KDM2B: variants seen among roughly 807,000 people sequenced by gnomAD.
KDM2B encodes the protein lysine demethylase 2B.
In KDM2B, 26 loss-of-function variants were observed where a neutral mutation model predicts 150.0. The ratio of observed to expected loss-of-function variants is 0.17; its 90% CI spans 0.13 to 0.24. KDM2B has a LOEUF of 0.24. Ranked by LOEUF, KDM2B falls within the 10% of genes least tolerant of loss-of-function variation. KDM2B has a pLI of 1.00. For missense variants in KDM2B, 1,265 were observed against 1,816.9 expected, an observed-to-expected ratio of 0.70 and a Z score of 5.52; for synonymous variants, 734 against 729.5, an observed-to-expected ratio of 1.01 and a Z score of -0.10.
intron 12 of KDM2B, among the ~76,000 whole-genome samples, chr12:121,472,023 T>G (rs1880824345): frequency 6.6e-6 from 1 of 152,094 alleles, no homozygotes; most frequent in Non-Finnish European, 1.5e-5. Context: ...CTCGGGAGGC[T>G]GGGGCAGGAG....
intron 11 of KDM2B, among the ~76,000 whole-genome samples, chr12:121,508,586 CG>C (rs1389394052): frequency 6.6e-6 from 1 of 152,150 alleles, no homozygotes; most frequent in Non-Finnish European, 1.5e-5. Context: ...CCAGACGCCT[CG>C]GAGGCCTCAA....
intron 1 of KDM2B, chr12:121,579,644 C>T: frequency 7.4e-7 from 1 of 1,344,384 alleles, no homozygotes; most frequent in South Asian, 1.2e-5. Context: ...CAAGCGCGCG[C>T]GCACACTCAC....
intron 4 of KDM2B, among the ~76,000 whole-genome samples, chr12:121,558,331 A>G (rs1890048899): frequency 6.6e-6 from 1 of 152,186 alleles, no homozygotes; most frequent in African/African-American, 2.4e-5. Flanking sequence ...CGTGTAACAA[A>G]AAAGATGAAG....
chr12:121,531,142 TC>T (rs1395339919), intron 8 of KDM2B, among the ~76,000 whole-genome samples: 2 of 151,806 alleles, frequency 1.3e-5, no homozygotes, highest in African/African-American at 2.4e-5. Context: ...TGCCAGGGTG[TC>T]CCCTATAAAC....
At chr12:121,455,995 C>T (rs1878174749) in intron 12 of KDM2B, among the ~76,000 whole-genome samples, 1 of 152,236 alleles carries the variant, frequency 6.6e-6, no homozygotes, top group African/African-American at 2.4e-5. Context: ...GGCCATGCCG[C>T]GTGAGGGCAG....
chr12:121,517,594 G>C (rs750063940), intron 9 of KDM2B, among the ~76,000 whole-genome samples: 1 of 151,272 alleles, frequency 6.6e-6, no homozygotes, highest in Non-Finnish European at 1.5e-5. Flanking sequence ...TCAACCTCCC[G>C]ATTAGCTGGG....
In KDM2B at chr12:121,437,941, A is replaced by G. The variant is rs183159137; in HGVS notation, c.3829+1916T>C. Among the ~76,000 whole-genome samples, 397 of 151,418 alleles carry G rather than the reference A, an allele frequency of 2.6e-3. 3 individuals are homozygous for G. Among genetic ancestry groups the G allele is most frequent in the African/African-American group, 9.1e-3 (378 of 41,330 alleles). On this transcript the variant is annotated intron_variant, in intron 22 of 22. Transcript: ENST00000377071. ...GAGTTTAGGTATAGAGATATGCCTT[A>G]GTATACTTCACAGCTCTTAACAAGA...
intron 9 of KDM2B, chr12:121,516,408 A>ATT: frequency 2.0e-6 from 2 of 1,009,290 alleles, no homozygotes; most frequent in Non-Finnish European, 2.7e-6. Flanking sequence ...TTATTTATTT[A>ATT]TTTATTTTTT....
At chr12:121,545,199 G>A (rs1203408817) in intron 6 of KDM2B, among the ~76,000 whole-genome samples, 1 of 152,022 alleles carries the variant, frequency 6.6e-6, no homozygotes, top group Non-Finnish European at 1.5e-5. Context: ...AACTGAAATC[G>A]GTATTCTTTT....
intron 12 of KDM2B, among the ~76,000 whole-genome samples, chr12:121,482,357 G>A (rs368445418): frequency 3.6e-4 from 55 of 151,990 alleles, no homozygotes; most frequent in African/African-American, 1.2e-3. Context: ...AGGCTGGATC[G>A]CCAGGAGCTA....
intron 21 of KDM2B, 140 bp from the exon 22 acceptor site, chr12:121,440,215 C>A: frequency 1.6e-6 from 1 of 628,030 alleles, no homozygotes; most frequent in African/African-American, 1.8e-5. Context: ...CTCCCAAAAT[C>A]ATAATTCCAA....
intron 19 of KDM2B, 91 bp from the exon 20 acceptor site, chr12:121,441,324 C>A: frequency 7.9e-7 from 1 of 1,265,610 alleles, no homozygotes; most frequent in Non-Finnish European, 1.1e-6. Flanking sequence ...ACCTAACAAC[C>A]TCTGGGAGGC....
chr12:121,552,139 G>C (rs1484292565), intron 4 of KDM2B, among the ~76,000 whole-genome samples: 1 of 152,114 alleles, frequency 6.6e-6, no homozygotes, highest in Admixed American at 6.6e-5. Flanking sequence ...GCACAGGCGG[G>C]TTCTCTACAT....
chr12:121,434,100 T>C (rs10849884), intron 22 of KDM2B, among the ~76,000 whole-genome samples: 52,082 of 151,464 alleles, frequency 0.34, 9,617 homozygotes, highest in East Asian at 0.44. Flanking sequence ...GGATCATTTT[T>C]GCCTGGAAGG....
chr12:121,427,320 C>T (rs185963332), downstream of KDM2B, among the ~76,000 whole-genome samples: 1 of 152,146 alleles, frequency 6.6e-6, no homozygotes, highest in Non-Finnish European at 1.5e-5. Context: ...AGCAGATCAC[C>T]TGAGGTCAGG....
chr12:121,578,830 C>T lies in KDM2B; in HGVS notation c.243G>A (p.Gly81=), dbSNP rs1450963126. The part of the protein sequence containing the change: ...EEKLRSQLYQ[G]DFVHAMEGKD... ...TGCCCTCCATGGCGTGCACGAAGTC[C>T]CCCTGGTACAGCTGGCTGCGAAGCT... The change falls in exon 2 of 23, where the codon GGG becomes GGA. Residue 81 remains glycine, a synonymous_variant. Coordinates refer to ENST00000377071, the MANE Select transcript of KDM2B (RefSeq NM_032590.5). The T allele has an allele frequency of 1.9e-6, 3 of 1,600,346 alleles. No homozygotes were observed. The highest frequency in any genetic ancestry group is 1.7e-6 in the Non-Finnish European group (2 of 1,173,086).
At chr12:121,486,726 G>T (rs1882808747) in intron 12 of KDM2B, among the ~76,000 whole-genome samples, 1 of 150,546 alleles carries the variant, frequency 6.6e-6, no homozygotes, top group African/African-American at 2.4e-5. Flanking sequence ...GCGGAGGTTG[G>T]TACTGAGCCA....
rs554313763 is a variant in KDM2B, at chr12:121,509,868, G to A, written c.1346C>T (p.Thr449Met). 44 of 1,613,906 alleles carry A rather than the reference G, an allele frequency of 2.7e-5. No homozygotes were observed. Among genetic ancestry groups the A allele is most frequent in the African/African-American group, 1.3e-4 (10 of 75,016 alleles). Residue 449 changes from threonine (T) to methionine (M), a missense_variant, in exon 11 of 23, where the codon ACG becomes ATG. By Grantham distance (81) the Thr-to-Met change is moderately conservative. Around this residue, in one of 11 missense-constraint regions of KDM2B, gnomAD observed 154 missense variants for 162.5 expected, o/e 0.95. Transcript: ENST00000377071. ...GAGGGCCTCCTGGTCCTCAGAGGGC[G>A]TGCTGGTGGGTGAAGTGGAGCCATC... ...PTDGSTSPTS[T>M]PSEDQEALGK...
chr12:121,467,298 C>CCTGGCT lies in KDM2B; in HGVS notation c.1735-13960_1735-13955dup, dbSNP rs1331143825. The CCTGGCT allele has an allele frequency of 6.1e-6, 6 of 983,856 alleles. No individual in the cohort carries two copies. The East Asian group carries it at 4.6e-4, about 75-fold the overall frequency. The allele number at this position is 983,856 out of a possible 1,614,324, so 60.9% of individuals were successfully genotyped here. On this transcript the variant is annotated intron_variant, in intron 12 of 22. Transcript: ENST00000377071. This position sits in a 1 kb window ranked among gnomAD's most constrained non-coding sequence, Gnocchi z 5.1. ...CCCGCCCGGAGCAGGCTCGGCTCGC[C>CCTGGCT]CTGGCTCGGGCTCGGGCTCGGGCTC... is the stretch of plus-strand genomic sequence containing the variant.
Sources: gnomAD v4.1 joint callset for allele counts (sites outside exome capture counted in the v4.1 genomes callset) on GRCh38, gnomAD v4.1.1 for gene constraint, gnomAD v4.1.1 regional missense constraint, Gnocchi (gnomAD v3.1) non-coding constraint, MANE v1.5 for transcripts, NCBI Gene and HGNC (gene_info 2026-07-23, HGNC 2026-07-21) for gene names.